MED23: variants seen among roughly 807,000 people sequenced by gnomAD.
MED23 encodes mediator of RNA polymerase II transcription subunit 23.
A neutral mutation model predicts 163.9 loss-of-function variants in MED23; 105 were observed. The observed-to-expected ratio is 0.64, with a 90% CI of 0.55 to 0.75. The LOEUF (loss-of-function observed/expected upper bound fraction) is 0.75. Among genes scored for constraint, MED23 ranks in the 30% least tolerant of loss-of-function variants. MED23 has a pLI of 0.00. For synonymous variants in MED23, 561 were observed against 565.6 expected, an observed-to-expected ratio of 0.99 and a Z score of 0.12; for missense variants, 1,054 against 1,649.0, an observed-to-expected ratio of 0.64 and a Z score of 6.25.
chr6:131,607,150 T>A (rs1775912084), intron 12 of MED23, among the ~76,000 whole-genome samples: 1 of 151,516 alleles, frequency 6.6e-6, no homozygotes, highest in Non-Finnish European at 1.5e-5. Context: ...ACAAAAAAAA[T>A]AAGGAGGAAA....
In MED23 at chr6:131,586,748, C is replaced by T. The variant is rs41285340; in HGVS notation, c.*931G>A. 38,482 of 1,455,600 alleles carry T rather than the reference C, an allele frequency of 0.026. 849 individuals carry two copies. The highest frequency in any genetic ancestry group is 0.13 in the Middle Eastern group (718 of 5,536). The allele number at this position is 1,455,600 out of a possible 1,614,324, so 90.2% of individuals were successfully genotyped here. A position where few individuals can be genotyped will look rare whatever the true frequency, so the allele number is the denominator to read the frequency against. ...CCAATGGAGTCGGGAAACAATCACA[C>T]GGTTTATTCATTCAGCAGACTTTAC... On this transcript the variant is annotated 3_prime_UTR_variant, in exon 29 of 29. Transcript: ENST00000368068.
chr6:131,605,700 G>A (rs757690434), intron 13 of MED23, among the ~76,000 whole-genome samples: 4 of 152,074 alleles, frequency 2.6e-5, no homozygotes, highest in Non-Finnish European at 5.9e-5. Context: ...AACAATTAAT[G>A]GGTACTGTTA....
chr6:131,583,807 A>C, downstream of MED23: 1 of 1,614,092 alleles, frequency 6.2e-7, no homozygotes. Flanking sequence ...AGAAGAAGTA[A>C]CTCGAACAGT....
Position 131,604,296 on chromosome 6 carries a change from C to T in MED23, c.1638G>A (p.Arg546=), listed in dbSNP as rs1419645275. ...KMSLIHSIAT[R]VIKLAHAKSS... is the part of the protein sequence containing the mutation. The stretch of plus-strand genomic sequence containing the variant: ...ACTTTGCATGAGCAAGTTTTATCAC[C>T]CTGGTTGCAATGCTGTGAATAAGGC... Residue 546 remains arginine, a synonymous_variant, in exon 15 of 29, where the codon AGG becomes AGA. Coordinates refer to ENST00000368068, the MANE Select transcript of MED23 (RefSeq NM_004830.4). 3.1e-6 allele frequency: 5 copies of T among 1,613,576 alleles called. No homozygotes were observed. In the Admixed American group the frequency reaches 8.3e-5, roughly 27 times the overall value.
intron 8 of MED23, among the ~76,000 whole-genome samples, chr6:131,619,333 T>C (rs910710596): frequency 5.3e-5 from 8 of 152,136 alleles, no homozygotes; most frequent in Non-Finnish European, 8.8e-5. Context: ...TAGAAATAAT[T>C]AAAGAGGATA....
chr6:131,577,999 T>G (rs1425617467), intron 30 of MED23, among the ~76,000 whole-genome samples: 2 of 150,734 alleles, frequency 1.3e-5, no homozygotes, highest in Non-Finnish European at 2.9e-5. Context: ...AAAGACTACA[T>G]GTATGATTCC....
At chr6:131,579,278 G>T in intron 30 of MED23, 2 of 1,614,010 alleles carry the variant, frequency 1.2e-6, no homozygotes, top group South Asian at 2.2e-5. Flanking sequence ...GCTGGGCGGA[G>T]ACCACAGGTC....
At chr6:131,595,041 T>A (rs547933511) in intron 22 of MED23, among the ~76,000 whole-genome samples, 5 of 152,340 alleles carry the variant, frequency 3.3e-5, no homozygotes, top group Middle Eastern at 3.4e-3. Context: ...TATTCTACCA[T>A]GTTAACACAC....
At chr6:131,604,359 T>A in intron 14 of MED23, 39 bp from the exon 15 acceptor site, 2 of 1,605,958 alleles carry the variant, frequency 1.2e-6, no homozygotes, top group Non-Finnish European at 1.7e-6. Context: ...AAATCCATAT[T>A]TTTGACATAA....
At chr6:131,623,310 A>G (rs746297990) in intron 5 of MED23, 41 bp downstream of exon 5, 4 of 1,492,436 alleles carry the variant, frequency 2.7e-6, no homozygotes, top group Admixed American at 3.3e-5. Flanking sequence ...AAAATCAATC[A>G]TATCTGAAAG....
In MED23 at chr6:131,574,279, T is replaced by G. The variant is rs764610587; in HGVS notation, c.*14A>C. ...TCCTCTTAATTTGGAACCCTTGCTG[T>G]GTACTCTGACTTTTTACTGCAAAAC... On this transcript the variant is annotated 3_prime_UTR_variant, in exon 31 of 31. Coordinates refer to the MED23 transcript ENST00000354577. 3 of 1,614,004 alleles carry G rather than the reference T, an allele frequency of 1.9e-6. No homozygotes were observed. The Admixed American group carries it at 5.0e-5, about 27-fold the overall frequency.
rs745306652 is a variant in MED23 at position 131,587,865 on chromosome 6, T to A, written c.3940-19A>T. The stretch of plus-strand genomic sequence containing the variant: ...TCTCTACCTAAGAAATAAAAACACA[T>A]TAAAACGTACTTTAATCAGAGAATT... On this transcript the variant is annotated intron_variant, in intron 28 of 28. Coordinates refer to ENST00000368068, the MANE Select transcript of MED23 (RefSeq NM_004830.4). The A allele has an allele frequency of 5.6e-6, 9 of 1,595,096 alleles. No individual in the cohort carries two copies. The highest frequency in any genetic ancestry group is 1.7e-6 in the Non-Finnish European group (2 of 1,166,754).
intron 30 of MED23, chr6:131,576,597 G>T (rs1055653258): frequency 2.1e-6 from 3 of 1,434,584 alleles, no homozygotes; most frequent in South Asian, 1.1e-5. Flanking sequence ...TAATGAAAAG[G>T]GTTCCTGCTG....
Position 131,605,497 on chromosome 6 carries a change from C to A in MED23, c.1368-12G>T. 1 of 1,550,880 alleles carries A rather than the reference C, an allele frequency of 6.4e-7. No individual in the cohort carries two copies. Among genetic ancestry groups the A allele is most frequent in the Non-Finnish European group, 8.7e-7 (1 of 1,152,102 alleles). ...TCTGCTGCAGGAACCTAAATATTCA[C>A]GTTCCATTAAAAAGAAAAAATGAAA... On this transcript the variant is annotated splice_polypyrimidine_tract_variant and intron_variant, in intron 13 of 28. Coordinates refer to ENST00000368068, the MANE Select transcript of MED23 (RefSeq NM_004830.4).
intron 11 of MED23, among the ~76,000 whole-genome samples, chr6:131,608,423 T>C (rs569729614): frequency 1.3e-5 from 2 of 152,296 alleles, no homozygotes; most frequent in Admixed American, 6.5e-5. Context: ...GGGATAATTC[T>C]TATTTTAAAA....
intron 25 of MED23, among the ~76,000 whole-genome samples, 179 bp downstream of exon 25, chr6:131,592,209 T>A (rs574689772): frequency 1.3e-5 from 2 of 152,294 alleles, no homozygotes; most frequent in East Asian, 3.9e-4. Flanking sequence ...AAGCAAAAAC[T>A]AGTCACTGTA....
chr6:131,596,093 G>A lies in MED23; in HGVS notation c.2849C>T (p.Pro950Leu). The change falls in exon 22 of 29, where the codon CCC becomes CTC. Residue 950 changes from proline to leucine, a missense_variant. Around this residue, in one of 11 missense-constraint regions of MED23, gnomAD observed 228 missense variants for 461.3 expected, o/e 0.49. Transcript: ENST00000368068. ...QVDPPVQIQS[P>L]YLPIYFGNVC... ...ATTCCCAAAATAGATGGGCAGATAG[G>A]GAGACTGGATCTGTACAGGAGGATC... The A allele has an allele frequency of 1.9e-6, 3 of 1,614,106 alleles. No homozygotes were observed. The highest frequency in any genetic ancestry group is 2.5e-6 in the Non-Finnish European group (3 of 1,179,994).
rs145833305 is a variant in MED23, at chr6:131,587,517, T to C, written c.*162A>G. On this transcript the variant is annotated 3_prime_UTR_variant, in exon 29 of 29. Transcript: ENST00000368068. ...AATATAGATAGGGAGATGGGAGTTATAAGGTGTCAACAGATTCATCATTTG... is the reference window on the plus strand; with the variant it reads ...AATATAGATAGGGAGATGGGAGTTACAAGGTGTCAACAGATTCATCATTTG... 6.1e-6 allele frequency: 9 copies of C among 1,472,476 alleles called. No individual in the cohort carries two copies. The African/African-American group carries it at 9.9e-5, about 16-fold the overall frequency. 91.2% of individuals were successfully genotyped at this position (1,472,476 alleles called of 1,614,324 possible).
At chr6:131,602,076 A>G in intron 17 of MED23, 142 bp downstream of exon 17, 1 of 891,096 alleles carries the variant, frequency 1.1e-6, no homozygotes, top group Non-Finnish European at 1.8e-6. Context: ...TAAATGAGTG[A>G]AATAGTGAAG....
Sources: gnomAD v4.1 joint callset for allele counts (sites outside exome capture counted in the v4.1 genomes callset) on GRCh38, gnomAD v4.1.1 for gene constraint, gnomAD v4.1.1 regional missense constraint, MANE v1.5 for transcripts, NCBI Gene and HGNC (gene_info 2026-07-23, HGNC 2026-07-21) for gene names.